Variants in MMP26 observed in about 807,000 individuals in gnomAD.
MMP26 encodes the protein matrix metalloproteinase-26.
In MMP26, 33 loss-of-function variants were observed where a neutral mutation model predicts 31.0. The observed-to-expected ratio is 1.06, with a 90% confidence interval of 0.81 to 1.42. The LOEUF is 1.42. Ranked by LOEUF, MMP26 falls within the 40% of genes most tolerant of loss-of-function variation. The pLI is 0.00. For synonymous variants in MMP26, 122 were observed against 114.9 expected, an observed-to-expected ratio of 1.06 and a Z score of -0.40; for missense variants, 347 against 316.1, an observed-to-expected ratio of 1.10 and a Z score of -0.74.
intron 1 of MMP26, among the ~76,000 whole-genome samples, chr11:4,728,502 G>T (rs569907853): frequency 1.3e-5 from 2 of 152,156 alleles, no homozygotes; most frequent in Non-Finnish European, 2.9e-5. Context: ...GAGTGCCCAT[G>T]GGACTTGTGG....
At chr11:4,739,755 C>A (rs998676031) in intron 1 of MMP26, among the ~76,000 whole-genome samples, 1 of 151,884 alleles carries the variant, frequency 6.6e-6, no homozygotes, top group Admixed American at 6.6e-5. Context: ...TCAGCTTTTA[C>A]TCCTGCTCTT....
intron 2 of MMP26, among the ~76,000 whole-genome samples, chr11:4,861,200 A>C (rs935328959): frequency 6.0e-5 from 9 of 150,188 alleles, no homozygotes; most frequent in African/African-American, 2.2e-4. Context: ...ATACATATAG[A>C]TACATACAGT....
At chr11:4,765,450 G>A (rs1008209818) in intron 1 of MMP26, among the ~76,000 whole-genome samples, 6 of 152,284 alleles carry the variant, frequency 3.9e-5, no homozygotes, top group Middle Eastern at 3.4e-3. Flanking sequence ...TCTTTTTGTA[G>A]TAAATGTTAC....
chr11:4,934,295 G>A (rs1851399659), intron 2 of MMP26, among the ~76,000 whole-genome samples: 1 of 149,870 alleles, frequency 6.7e-6, no homozygotes, highest in East Asian at 1.9e-4. Flanking sequence ...ATCTCATAGT[G>A]GTTTTGATTT....
chr11:4,789,631 C>G (rs1230785149), intron 2 of MMP26, among the ~76,000 whole-genome samples: 2 of 144,112 alleles, frequency 1.4e-5, no homozygotes, highest in Non-Finnish European at 3.0e-5. Flanking sequence ...ACCTCTGCCT[C>G]CTGGGTTCAA....
At chr11:4,969,516 C>G (rs971159382) in intron 2 of MMP26, among the ~76,000 whole-genome samples, 1 of 151,898 alleles carries the variant, frequency 6.6e-6, no homozygotes, top group Admixed American at 6.6e-5. Flanking sequence ...ACCTGTTAAC[C>G]CTTTTTATAT....
chr11:4,907,016 A>G (rs1489863200), intron 2 of MMP26, among the ~76,000 whole-genome samples: 1 of 143,598 alleles, frequency 7.0e-6, no homozygotes, highest in East Asian at 2.2e-4. Context: ...GAATCACTTG[A>G]TCGCGGGAGG....
intron 1 of MMP26, among the ~76,000 whole-genome samples, chr11:4,732,190 T>C (rs1439541076): frequency 6.6e-6 from 1 of 152,194 alleles, no homozygotes; most frequent in Non-Finnish European, 1.5e-5. Context: ...TATTCTCCTG[T>C]ACATATTTTG....
At chr11:4,716,715 G>A (rs556915155) in intron 1 of MMP26, among the ~76,000 whole-genome samples, 2 of 125,232 alleles carry the variant, frequency 1.6e-5, no homozygotes, top group Non-Finnish European at 3.1e-5. Context: ...AGCCTGGAGT[G>A]CAATGGTGCG....
At chr11:4,731,304 C>A (rs1848170274) in intron 1 of MMP26, among the ~76,000 whole-genome samples, 1 of 152,198 alleles carries the variant, frequency 6.6e-6, no homozygotes, top group Admixed American at 6.5e-5. Context: ...AGCTTCCCCA[C>A]CACTCCCAAC....
intron 2 of MMP26, chr11:4,937,303 C>T (rs191007202): frequency 9.9e-5 from 15 of 152,284 alleles, no homozygotes; most frequent in Admixed American, 7.8e-4. Flanking sequence ...AAACATTCAA[C>T]GTCTATTTAG....
At chr11:4,969,825 A>C (rs1005088628) in intron 2 of MMP26, among the ~76,000 whole-genome samples, 1 of 152,142 alleles carries the variant, frequency 6.6e-6, no homozygotes, top group Non-Finnish European at 1.5e-5. Flanking sequence ...GGTTTTTATT[A>C]AGCAAACGTT....
chr11:4,964,876 A>G (rs1846570629), intron 2 of MMP26, among the ~76,000 whole-genome samples: 1 of 152,184 alleles, frequency 6.6e-6, no homozygotes, highest in South Asian at 2.1e-4. Flanking sequence ...ATGGGAACAC[A>G]TGGACACATG....
At chr11:4,819,058 T>A (rs1312399102) in intron 2 of MMP26, among the ~76,000 whole-genome samples, 1 of 152,148 alleles carries the variant, frequency 6.6e-6, no homozygotes, top group Non-Finnish European at 1.5e-5. Flanking sequence ...GAAAATTGGG[T>A]CATTTTTATG....
intron 2 of MMP26, among the ~76,000 whole-genome samples, chr11:4,966,144 G>A (rs1846591471): frequency 6.6e-6 from 1 of 152,142 alleles, no homozygotes; most frequent in Admixed American, 6.5e-5. Flanking sequence ...TTTATTCATG[G>A]AGACTATGAC....
intron 2 of MMP26, among the ~76,000 whole-genome samples, chr11:4,964,288 T>C (rs761105017): frequency 8.5e-5 from 13 of 152,348 alleles, no homozygotes; most frequent in African/African-American, 2.4e-4. Flanking sequence ...GATTTTTATA[T>C]ATGGTGTAAG....
At chr11:4,802,746 T>C (rs1564913039) in intron 2 of MMP26, among the ~76,000 whole-genome samples, 1 of 152,346 alleles carries the variant, frequency 6.6e-6, no homozygotes. Context: ...TGAATTCCTT[T>C]CTTTACGTAC....
At chr11:4,803,673 G>A (rs768883366) in intron 2 of MMP26, 1 of 1,613,758 alleles carries the variant, frequency 6.2e-7, no homozygotes, top group African/African-American at 1.3e-5. Context: ...CTTTGAGGCG[G>A]GCTTCACCTG....
At chr11:4,857,241 A>G (rs1484556467) in intron 2 of MMP26, among the ~76,000 whole-genome samples, 1 of 132,860 alleles carries the variant, frequency 7.5e-6, no homozygotes, top group Non-Finnish European at 1.7e-5. Context: ...ATTGAAGGAG[A>G]TAGAGACACA....
Sources: allele counts gnomAD v4.1 joint callset (sites outside exome capture counted in the v4.1 genomes callset), GRCh38; gene constraint gnomAD v4.1.1; transcripts MANE v1.5; gene names NCBI Gene and HGNC (gene_info 2026-07-23, HGNC 2026-07-21).